ARL15: variants seen among roughly 807,000 people sequenced by gnomAD.
ARL15 encodes ARF like GTPase 15.
ARL15 carries 19 observed loss-of-function variants against 25.2 expected under a neutral mutation model. That is an observed-to-expected ratio of 0.75 (90% CI 0.53 to 1.10). The LOEUF is 1.10. Ranked by LOEUF, ARL15 falls within the 50% of genes least tolerant of loss-of-function variation. ARL15 has a pLI of 0.00. For synonymous variants in ARL15, 94 were observed against 86.8 expected, an observed-to-expected ratio of 1.08 and a Z score of -0.46; for missense variants, 220 against 246.0, an observed-to-expected ratio of 0.89 and a Z score of 0.71.
At chr5:53,954,631 G>T (rs976523099) in intron 4 of ARL15, among the ~76,000 whole-genome samples, 1 of 152,006 alleles carries the variant, frequency 6.6e-6, no homozygotes, top group Non-Finnish European at 1.5e-5. Context: ...CATGTAAACA[G>T]GTTAGGTTAT....
chr5:54,305,611 A>G (rs940837331), intron 1 of ARL15, among the ~76,000 whole-genome samples: 3 of 152,208 alleles, frequency 2.0e-5, no homozygotes, highest in Non-Finnish European at 4.4e-5. Context: ...AGAGCACACT[A>G]TATTTTTTCC....
At chr5:54,134,064 C>G (rs770459111) in intron 3 of ARL15, among the ~76,000 whole-genome samples, 1 of 152,142 alleles carries the variant, frequency 6.6e-6, no homozygotes, top group East Asian at 1.9e-4. Context: ...TCAGATGTAA[C>G]TGCAAAACTG....
At chr5:54,057,993 TTTATTTA>T (rs1561206264) in intron 4 of ARL15, among the ~76,000 whole-genome samples, 4 of 76,430 alleles carry the variant, frequency 5.2e-5, no homozygotes, top group African/African-American at 1.1e-4. Context: ...GGTGCCTTTA[TTTATTTA>T]TTTATTTATT....
At chr5:54,038,913 T>C (rs1377917746) in intron 4 of ARL15, among the ~76,000 whole-genome samples, 1 of 152,180 alleles carries the variant, frequency 6.6e-6, no homozygotes, top group African/African-American at 2.4e-5. Flanking sequence ...GATCTATGCC[T>C]TTACAATTCT....
intron 4 of ARL15, among the ~76,000 whole-genome samples, chr5:54,095,001 T>C (rs1752242164): frequency 6.6e-6 from 1 of 152,178 alleles, no homozygotes; most frequent in African/African-American, 2.4e-5. Flanking sequence ...AAGAAAACAG[T>C]GTGAAATCAA....
chr5:54,206,430 T>C lies in ARL15; in HGVS notation c.49-34502A>G, dbSNP rs185514616. 2.8e-4 allele frequency among the ~76,000 whole-genome samples: 43 copies of C among 152,284 alleles called. No homozygotes were observed. In the East Asian group the frequency reaches 7.7e-3, roughly 27 times the overall value. On this transcript the variant is annotated intron_variant, in intron 1 of 4. Coordinates refer to ENST00000504924, the MANE Select transcript of ARL15 (RefSeq NM_019087.3). ...GAGTCAGAAATGCATGTTTAAATAC[T>C]GTCAATGAGAAGCACTATGAAGGGA...
intron 1 of ARL15, among the ~76,000 whole-genome samples, chr5:54,208,950 T>A (rs961105763): frequency 1.3e-5 from 2 of 152,018 alleles, no homozygotes; most frequent in Non-Finnish European, 2.9e-5. Context: ...AAGAGGAGAT[T>A]TATACAACTC....
intron 4 of ARL15, among the ~76,000 whole-genome samples, chr5:54,088,807 C>T (rs1752052396): frequency 1.3e-5 from 2 of 152,094 alleles, no homozygotes; most frequent in African/African-American, 2.4e-5. Flanking sequence ...TTAGCCTTGG[C>T]AATCAAGTAG....
chr5:54,186,693 A>G (rs1263267138), intron 1 of ARL15, among the ~76,000 whole-genome samples: 1 of 151,986 alleles, frequency 6.6e-6, no homozygotes, highest in Non-Finnish European at 1.5e-5. Flanking sequence ...TTTGCTTTAT[A>G]TTATTCCCTG....
chr5:54,227,563 C>T (rs749471168), intron 1 of ARL15, among the ~76,000 whole-genome samples: 12 of 152,278 alleles, frequency 7.9e-5, no homozygotes, highest in Non-Finnish European at 1.8e-4. Context: ...CCACTAAATC[C>T]CACCAACTGA....
At chr5:54,138,959 A>C (rs925472221) in intron 3 of ARL15, among the ~76,000 whole-genome samples, 5 of 152,238 alleles carry the variant, frequency 3.3e-5, no homozygotes, top group Non-Finnish European at 5.9e-5. Flanking sequence ...AATTAAACTC[A>C]TAAGATATCA....
At chr5:54,282,820 A>C (rs377702761) in intron 1 of ARL15, among the ~76,000 whole-genome samples, 23 of 152,308 alleles carry the variant, frequency 1.5e-4, no homozygotes, top group African/African-American at 5.1e-4. Flanking sequence ...ATTTTGACAG[A>C]AGACTGAGAT....
At chr5:54,056,006 ATGAG>A (rs1451036187) in intron 4 of ARL15, among the ~76,000 whole-genome samples, 5 of 152,168 alleles carry the variant, frequency 3.3e-5, no homozygotes, top group African/African-American at 1.2e-4. Flanking sequence ...GAATTATTGA[ATGAG>A]TAAGTTTTCC....
chr5:54,267,510 T>A (rs542348323), intron 1 of ARL15, among the ~76,000 whole-genome samples: 1 of 152,350 alleles, frequency 6.6e-6, no homozygotes, highest in South Asian at 2.1e-4. Flanking sequence ...TCTAGTTTGA[T>A]AAGTTGCATA....
intron 4 of ARL15, among the ~76,000 whole-genome samples, chr5:54,111,198 A>G (rs550267150): frequency 6.6e-6 from 1 of 152,194 alleles, no homozygotes; most frequent in East Asian, 1.9e-4. Flanking sequence ...TTCCATTACA[A>G]GCAAAAGTTT....
At chr5:54,260,857 C>T (rs142712413) in intron 1 of ARL15, among the ~76,000 whole-genome samples, 18 of 152,240 alleles carry the variant, frequency 1.2e-4, no homozygotes, top group African/African-American at 3.9e-4. Context: ...TTCCTATACT[C>T]GATCATTAAT....
Position 53,906,067 on chromosome 5 carries a change from G to A in ARL15, c.463-19354C>T, listed in dbSNP as rs536329864. Among the ~76,000 whole-genome samples the A allele has an allele frequency of 3.9e-5, 6 of 152,262 alleles. No homozygotes were observed. In the South Asian group the frequency reaches 1.2e-3, roughly 32 times the overall value. On this transcript the variant is annotated intron_variant, in intron 4 of 4. Transcript: ENST00000504924. ...ACAAATTCTTGCCTGTTTGACTGTA[G>A]CTTCTCATCTATCCATACAACACAT...
At chr5:53,898,483 G>T (rs993392475) in intron 4 of ARL15, among the ~76,000 whole-genome samples, 2 of 152,086 alleles carry the variant, frequency 1.3e-5, no homozygotes, top group Admixed American at 6.6e-5. Flanking sequence ...CTTGTTATAG[G>T]TCTAATTTTG....
At chr5:54,184,261 CAAA>C (rs201681698) in intron 1 of ARL15, among the ~76,000 whole-genome samples, 47,310 of 116,920 alleles carry the variant, frequency 0.4, 9,211 homozygotes, top group East Asian at 0.7. Flanking sequence ...AAAAAAAAAT[CAAA>C]AAAAAAAAAA....
Sources: gnomAD v4.1 joint callset for allele counts (sites outside exome capture counted in the v4.1 genomes callset) on GRCh38, gnomAD v4.1.1 for gene constraint, MANE v1.5 for transcripts, NCBI Gene and HGNC (gene_info 2026-07-23, HGNC 2026-07-21) for gene names.